CTNNA2: variants seen among roughly 807,000 people sequenced by gnomAD.
CTNNA2 encodes the protein catenin alpha 2.
CTNNA2 carries 42 observed loss-of-function variants against 101.0 expected under a neutral mutation model. That is an observed-to-expected ratio of 0.42 (90% CI 0.32 to 0.54). The LOEUF is 0.54. Among genes scored for constraint, CTNNA2 ranks in the 20% least tolerant of loss-of-function variants. The probability of loss-of-function intolerance (pLI) is 0.14; values close to 1 mark genes in which losing one functional copy is unlikely to be tolerated. For missense variants in CTNNA2, 871 were observed against 1,223.1 expected, an observed-to-expected ratio of 0.71 and a Z score of 4.29; for synonymous variants, 450 against 456.4, an observed-to-expected ratio of 0.99 and a Z score of 0.18.
intron 7 of CTNNA2, among the ~76,000 whole-genome samples, chr2:79,960,071 G>A (rs1689523357): frequency 6.6e-6 from 1 of 152,178 alleles, no homozygotes; most frequent in South Asian, 2.1e-4. Flanking sequence ...TTGTTGAGAT[G>A]AGTAGAAGAA....
intron 1 of CTNNA2, among the ~76,000 whole-genome samples, chr2:79,191,407 G>A (rs924379258): frequency 1.3e-5 from 2 of 152,126 alleles, no homozygotes; most frequent in Non-Finnish European, 2.9e-5. Flanking sequence ...TGTTGACCTT[G>A]TAGAGCTCTA....
At chr2:79,430,466 T>G (rs1474765898) in intron 4 of CTNNA2, among the ~76,000 whole-genome samples, 1 of 152,028 alleles carries the variant, frequency 6.6e-6, no homozygotes, top group Non-Finnish European at 1.5e-5. Context: ...AGCTAATGGT[T>G]TGAGTTGAAG....
At chr2:80,570,076 T>A (rs1295506645) in intron 12 of CTNNA2, among the ~76,000 whole-genome samples, 1 of 152,106 alleles carries the variant, frequency 6.6e-6, no homozygotes, top group Non-Finnish European at 1.5e-5. Context: ...TGAGACGGAG[T>A]CTCGCTCTGT....
At chr2:80,026,206 G>A (rs1694915425) in intron 7 of CTNNA2, among the ~76,000 whole-genome samples, 1 of 152,206 alleles carries the variant, frequency 6.6e-6, no homozygotes, top group Admixed American at 6.5e-5. Flanking sequence ...CACCTCGAGG[G>A]AGGAGCGTTT....
chr2:80,586,195 G>A (rs1306264074), intron 14 of CTNNA2: 3 of 152,152 alleles, frequency 2.0e-5, no homozygotes, highest in Admixed American at 6.6e-5. Flanking sequence ...GTTAGCAGTA[G>A]GGCATTAATA....
intron 2 of CTNNA2, among the ~76,000 whole-genome samples, chr2:79,238,536 A>G (rs1674585584): frequency 6.6e-6 from 1 of 152,262 alleles, no homozygotes; most frequent in South Asian, 2.1e-4. Context: ...TGCCATAAGC[A>G]TTCAATTTGT....
chr2:80,086,602 A>G (rs1378919230), intron 7 of CTNNA2, among the ~76,000 whole-genome samples: 1 of 151,912 alleles, frequency 6.6e-6, no homozygotes. Flanking sequence ...TCATTTACTC[A>G]CCTTAGGACC....
At chr2:80,445,761 ATAG>A (rs1417796447) in intron 9 of CTNNA2, among the ~76,000 whole-genome samples, 3 of 152,220 alleles carry the variant, frequency 2.0e-5, no homozygotes, top group Non-Finnish European at 4.4e-5. Context: ...CCTTACATGC[ATAG>A]TAGAAAGACA....
chr2:80,426,347 TGAGATGCAAGATCAACATAGCTATTTTGG>T (rs1383793600), intron 9 of CTNNA2, among the ~76,000 whole-genome samples: 2 of 152,026 alleles, frequency 1.3e-5, no homozygotes, highest in African/African-American at 4.8e-5. Context: ...ATCTTGAAAA[TGAGATGCAAGATCAACATAGCTATTTTGG>T]GCCTCTGAAC....
chr2:79,798,807 A>G (rs1320410433), intron 3 of CTNNA2, among the ~76,000 whole-genome samples: 1 of 152,222 alleles, frequency 6.6e-6, no homozygotes, highest in Non-Finnish European at 1.5e-5. Flanking sequence ...ATCAGACTAG[A>G]GTAACACAGT....
chr2:80,072,623 C>T (rs1042526435), intron 7 of CTNNA2, among the ~76,000 whole-genome samples: 5 of 152,136 alleles, frequency 3.3e-5, no homozygotes, highest in African/African-American at 1.2e-4. Context: ...GGAGCTTGCC[C>T]TCCACCCATC....
chr2:80,519,507 A>C (rs770509381), intron 9 of CTNNA2, among the ~76,000 whole-genome samples: 11 of 152,226 alleles, frequency 7.2e-5, no homozygotes, highest in Non-Finnish European at 1.5e-4. Flanking sequence ...GAGTCACTTA[A>C]AAATGCTTCC....
At chr2:79,379,986 T>C (rs957142059) in intron 4 of CTNNA2, among the ~76,000 whole-genome samples, 2 of 152,128 alleles carry the variant, frequency 1.3e-5, no homozygotes, top group African/African-American at 4.8e-5. Flanking sequence ...ACCCCCATAG[T>C]CTCTTATGTC....
intron 9 of CTNNA2, among the ~76,000 whole-genome samples, chr2:80,478,793 G>C (rs561460354): frequency 1.3e-5 from 2 of 151,972 alleles, no homozygotes; most frequent in Non-Finnish European, 2.9e-5. Flanking sequence ...GTAATAATTT[G>C]ACGTAATTAG....
chr2:80,295,633 G>T (rs1675676671), intron 7 of CTNNA2, among the ~76,000 whole-genome samples: 1 of 152,152 alleles, frequency 6.6e-6, no homozygotes, highest in South Asian at 2.1e-4. Flanking sequence ...AACTGGAAAG[G>T]TTCTTAGGGA....
Position 80,536,328 on chromosome 2 carries a change from T to C in CTNNA2, c.1291-8654T>C, listed in dbSNP as rs567743509. Among the ~76,000 whole-genome samples the C allele has an allele frequency of 1.5e-4, 23 of 152,332 alleles. 1 individual carries two copies. Among genetic ancestry groups the C allele is most frequent in the Admixed American group, 1.2e-3 (18 of 15,300 alleles). ...TTTTATATGGCCACATGACTGACTA[T>C]AAATTCAAGTAATTCCCCTTGAATT... On this transcript the variant is annotated intron_variant, in intron 9 of 18. Coordinates refer to ENST00000402739, the MANE Select transcript of CTNNA2 (RefSeq NM_001282597.3).
intron 2 of CTNNA2, among the ~76,000 whole-genome samples, chr2:79,660,640 TG>T (rs1480060519): frequency 6.6e-6 from 1 of 152,142 alleles, no homozygotes; most frequent in Non-Finnish European, 1.5e-5. Flanking sequence ...CAGTAGTTAG[TG>T]TGTTTCCACT....
intron 3 of CTNNA2, among the ~76,000 whole-genome samples, chr2:79,344,208 C>T (rs1007030102): frequency 2.0e-5 from 3 of 152,186 alleles, no homozygotes; most frequent in African/African-American, 2.4e-5. Flanking sequence ...ACCTCCCAGA[C>T]GTCCTGCACT....
chr2:79,814,486 G>C (rs867358855), intron 3 of CTNNA2, among the ~76,000 whole-genome samples: 57 of 152,040 alleles, frequency 3.7e-4, no homozygotes, highest in African/African-American at 1.3e-3. Flanking sequence ...TACAATATTT[G>C]GTTTTCCATT....
Sources: allele counts gnomAD v4.1 joint callset (sites outside exome capture counted in the v4.1 genomes callset), GRCh38; gene constraint gnomAD v4.1.1; transcripts MANE v1.5; gene names NCBI Gene and HGNC (gene_info 2026-07-23, HGNC 2026-07-21).